KCNQ5: variants seen among roughly 807,000 people sequenced by gnomAD.
KCNQ5 encodes potassium voltage-gated channel subfamily KQT member 5.
A neutral mutation model predicts 98.2 loss-of-function variants in KCNQ5; 30 were observed. That is an observed-to-expected ratio of 0.31 (90% confidence interval 0.23 to 0.41). KCNQ5 has a LOEUF of 0.41. Ranked by LOEUF, KCNQ5 falls within the 10% of genes least tolerant of loss-of-function variation. The pLI is 1.00. For missense variants in KCNQ5, 835 were observed against 1,182.5 expected (o/e 0.71, Z 4.31); for synonymous variants, 458 against 449.4 (o/e 1.02, Z -0.24).
chr6:73,175,338 C>G (rs941205002), intron 11 of KCNQ5, among the ~76,000 whole-genome samples: 13 of 152,022 alleles, frequency 8.6e-5, no homozygotes, highest in African/African-American at 2.7e-4. Context: ...TTAGTAGAGA[C>G]AGGTTTTCTC....
chr6:72,856,657 T>A (rs1368596902), intron 1 of KCNQ5, among the ~76,000 whole-genome samples: 1 of 152,080 alleles, frequency 6.6e-6, no homozygotes, highest in Non-Finnish European at 1.5e-5. Flanking sequence ...AATAAGAAAA[T>A]ACGTTAAATC....
At chr6:72,804,607 A>T (rs1774858200) in intron 1 of KCNQ5, among the ~76,000 whole-genome samples, 1 of 152,188 alleles carries the variant, frequency 6.6e-6, no homozygotes, top group Admixed American at 6.6e-5. Flanking sequence ...GGCTGTTATG[A>T]ATAGTGTGCA....
intron 3 of KCNQ5, among the ~76,000 whole-genome samples, chr6:73,076,406 A>T (rs1195777367): frequency 2.0e-5 from 3 of 152,206 alleles, no homozygotes; most frequent in Non-Finnish European, 2.9e-5. Context: ...AAATTGCCAC[A>T]GGAGGCCATT....
chr6:72,650,662 A>G (rs1481037329), intron 1 of KCNQ5, among the ~76,000 whole-genome samples: 1 of 152,140 alleles, frequency 6.6e-6, no homozygotes, highest in Admixed American at 6.6e-5. Context: ...GGTAGGATAT[A>G]TGTATATGGA....
intron 1 of KCNQ5, among the ~76,000 whole-genome samples, chr6:72,996,186 G>A (rs937700280): frequency 6.6e-6 from 1 of 152,126 alleles, no homozygotes; most frequent in African/African-American, 2.4e-5. Context: ...AAAGAAATTG[G>A]GAATGAAGTT....
chr6:72,824,032 A>G (rs183049992), intron 1 of KCNQ5, among the ~76,000 whole-genome samples: 1 of 152,280 alleles, frequency 6.6e-6, no homozygotes, highest in Non-Finnish European at 1.5e-5. Flanking sequence ...ATTAATAAGT[A>G]CCATTTTATA....
intron 1 of KCNQ5, among the ~76,000 whole-genome samples, chr6:72,718,483 G>A (rs754716552): frequency 8.5e-6 from 1 of 117,340 alleles, no homozygotes. Flanking sequence ...ACAGAGTCTC[G>A]CTCTGTCGCC....
At chr6:72,894,434 A>G (rs188133072) in intron 1 of KCNQ5, among the ~76,000 whole-genome samples, 1 of 152,348 alleles carries the variant, frequency 6.6e-6, no homozygotes, top group African/African-American at 2.4e-5. Context: ...GCTCTGATAG[A>G]AGGTCATAAC....
At chr6:72,964,954 CT>C (rs1304461376) in intron 1 of KCNQ5, among the ~76,000 whole-genome samples, 4 of 151,666 alleles carry the variant, frequency 2.6e-5, no homozygotes, top group Non-Finnish European at 4.4e-5. Context: ...AAAAAAAATT[CT>C]TTTTTGGTTT....
chr6:72,910,868 A>G (rs1028998010), intron 1 of KCNQ5, among the ~76,000 whole-genome samples: 1 of 152,158 alleles, frequency 6.6e-6, no homozygotes. Flanking sequence ...TATCAGCTTC[A>G]TATCAGCTGA....
chr6:72,727,146 C>A (rs1770324433), intron 1 of KCNQ5, among the ~76,000 whole-genome samples: 1 of 152,176 alleles, frequency 6.6e-6, no homozygotes, highest in South Asian at 2.1e-4. Context: ...TGTGATGAGC[C>A]ATATACCCCA....
intron 1 of KCNQ5, among the ~76,000 whole-genome samples, chr6:72,924,505 T>A (rs1289432086): frequency 6.6e-6 from 1 of 152,204 alleles, no homozygotes; most frequent in Non-Finnish European, 1.5e-5. Context: ...CACTCTGTCC[T>A]TCCAGACCCC....
chr6:73,068,801 GA>G (rs532894166), intron 3 of KCNQ5, among the ~76,000 whole-genome samples: 2 of 151,982 alleles, frequency 1.3e-5, no homozygotes, highest in African/African-American at 2.4e-5. Flanking sequence ...GCTGGGAGGA[GA>G]AAAAAACAAT....
intron 3 of KCNQ5, among the ~76,000 whole-genome samples, chr6:73,070,728 C>T (rs1773265901): frequency 6.6e-6 from 1 of 152,168 alleles, no homozygotes; most frequent in South Asian, 2.1e-4. Flanking sequence ...AAGTGGCATA[C>T]ATCATTTCCA....
At chr6:73,163,482 C>T (rs902183701) in intron 10 of KCNQ5, among the ~76,000 whole-genome samples, 3 of 152,164 alleles carry the variant, frequency 2.0e-5, no homozygotes, top group Non-Finnish European at 2.9e-5. Flanking sequence ...CATGGTGGCT[C>T]ACACCTGTAA....
chr6:72,778,219 T>C (rs1200321321), intron 1 of KCNQ5, among the ~76,000 whole-genome samples: 1 of 152,152 alleles, frequency 6.6e-6, no homozygotes, highest in Admixed American at 6.5e-5. Flanking sequence ...TTGCATAATA[T>C]GATGACTACA....
chr6:72,914,872 T>C (rs1295907132), intron 1 of KCNQ5, among the ~76,000 whole-genome samples: 4 of 151,902 alleles, frequency 2.6e-5, no homozygotes, highest in African/African-American at 9.7e-5. Context: ...TGGGAGCCTT[T>C]GGAAGAATGC....
chr6:73,106,242 C>A (rs1278842404), intron 6 of KCNQ5, among the ~76,000 whole-genome samples: 4 of 152,096 alleles, frequency 2.6e-5, no homozygotes, highest in Non-Finnish European at 5.9e-5. Context: ...ACACCCTTGT[C>A]CCACCAGTGC....
chr6:72,688,330 T>G (rs1003466579), intron 1 of KCNQ5, among the ~76,000 whole-genome samples: 7 of 152,196 alleles, frequency 4.6e-5, no homozygotes, highest in African/African-American at 1.7e-4. Context: ...TTTCTTTCTT[T>G]CCCATTGTCT....
Sources: allele counts gnomAD v4.1 joint callset (sites outside exome capture counted in the v4.1 genomes callset), GRCh38; gene constraint gnomAD v4.1.1; transcripts MANE v1.5; gene names NCBI Gene and HGNC (gene_info 2026-07-23, HGNC 2026-07-21).